The following SLC19A1 variants were observed in gnomAD, a reference collection of about 807,000 sequenced individuals.
SLC19A1 encodes the protein solute carrier family 19 member 1, also known as reduced folate transporter.
Under a neutral mutation model 35.3 loss-of-function variants are expected in SLC19A1, and 37 were observed. The ratio of observed to expected loss-of-function variants is 1.05; its 90% CI spans 0.81 to 1.38. SLC19A1 has a LOEUF of 1.38. SLC19A1 is among the 40% of genes most tolerant of loss of function. The probability of loss-of-function intolerance (pLI) is 0.00; values close to 1 mark genes in which losing one functional copy is unlikely to be tolerated. For synonymous variants in SLC19A1, 460 were observed against 398.5 expected (o/e 1.15, Z -1.84); for missense variants, 831 against 826.9 (o/e 1.00, Z -0.06).
intron 3 of SLC19A1, chr21:45,507,138 C>G (rs1459571321): frequency 5.5e-6 from 1 of 183,330 alleles, no homozygotes; most frequent in East Asian, 1.6e-4. Flanking sequence ...GGGAGGGCAC[C>G]CTCCTGTGGG....
chr21:45,504,933 C>G (rs941889609), intron 3 of SLC19A1, among the ~76,000 whole-genome samples: 1 of 134,704 alleles, frequency 7.4e-6, no homozygotes, highest in Admixed American at 7.1e-5. Flanking sequence ...CTCTGCTGGT[C>G]TCTCCCCCGG....
At chr21:45,511,464 C>T (rs1385263815), downstream of SLC19A1, among the ~76,000 whole-genome samples, 3 of 152,190 alleles carry the variant, frequency 2.0e-5, no homozygotes, top group African/African-American at 7.2e-5. Context: ...GTGCCCCCGG[C>T]CCTCTGCTCA....
chr21:45,528,588 G>T (rs2077733858), intron 4 of SLC19A1, among the ~76,000 whole-genome samples: 1 of 152,168 alleles, frequency 6.6e-6, no homozygotes, highest in African/African-American at 2.4e-5. Flanking sequence ...AATATTGACA[G>T]AAACCTGCTT....
chr21:45,532,649 G>A (rs945744927), intron 2 of SLC19A1, among the ~76,000 whole-genome samples: 1 of 152,124 alleles, frequency 6.6e-6, no homozygotes, highest in Non-Finnish European at 1.5e-5. Flanking sequence ...TGGGCAGGCT[G>A]GTCTCGAACT....
chr21:45,533,115 T>C lies in SLC19A1; in HGVS notation c.190-967A>G, dbSNP rs1248759914. ...ACGCCCCTGTAGCCGCCCTGCACCC[T>C]CCCAGGAGGGGGAGCACAGGCTGTC... On this transcript the variant is annotated intron_variant, in intron 2 of 5. Coordinates refer to ENST00000311124, the MANE Select transcript of SLC19A1 (RefSeq NM_194255.4). The surrounding 1 kb of genome is among the most constrained non-coding windows in gnomAD (Gnocchi z 4.5). 6.6e-6 allele frequency among the ~76,000 whole-genome samples: 1 copy of C among 152,096 alleles called. No homozygotes were observed. Among genetic ancestry groups the C allele is most frequent in the Non-Finnish European group, 1.5e-5 (1 of 67,998 alleles).
At chr21:45,511,059 C>G, downstream of SLC19A1, 2 of 743,880 alleles carry the variant, frequency 2.7e-6, no homozygotes, top group South Asian at 1.5e-5. Context: ...AACACCCACA[C>G]CCATCCACAC....
chr21:45,556,715 T>G (rs2146510821), intron 1 of SLC19A1, among the ~76,000 whole-genome samples: 1 of 152,282 alleles, frequency 6.6e-6, no homozygotes, highest in Non-Finnish European at 1.5e-5. Flanking sequence ...CAGGACGTTG[T>G]CAAGCGCTCT....
chr21:45,505,365 C>T lies in SLC19A1; in HGVS notation c.498-6753G>A, dbSNP rs757099292. On this transcript the variant is annotated intron_variant, in intron 3 of 4. Transcript: ENST00000417954. ...TTGGTTTCTCTCCTGCAGCTATCAG[C>T]GTTCCCGGCCCTCCGGGCCCCCCTG... 30 of 1,592,836 alleles carry T rather than the reference C, an allele frequency of 1.9e-5. No individual in the cohort carries two copies. The highest frequency in any genetic ancestry group is 3.3e-5 in the Admixed American group (2 of 59,924).
chr21:45,507,561 C>G, intron 3 of SLC19A1: 1 of 1,612,896 alleles, frequency 6.2e-7, no homozygotes, highest in Non-Finnish European at 8.5e-7. Context: ...TTTCTTCCAG[C>G]TGGAGGCCCG....
downstream of SLC19A1, chr21:45,509,262 C>T (rs2037428539): frequency 2.0e-6 from 3 of 1,502,450 alleles, no homozygotes; most frequent in Middle Eastern, 2.4e-4. Flanking sequence ...GTTCAGAGCC[C>T]AGCCCCTCTC....
chr21:45,503,692 C>T (rs796328828), intron 3 of SLC19A1, among the ~76,000 whole-genome samples: 184 of 150,432 alleles, frequency 1.2e-3, no homozygotes, highest in East Asian at 7.0e-3. Flanking sequence ...TGCTAGATGA[C>T]GAGTTAGTGG....
At chr21:45,535,716 C>A (rs1451892351) in intron 2 of SLC19A1, among the ~76,000 whole-genome samples, 2 of 152,212 alleles carry the variant, frequency 1.3e-5, no homozygotes, top group Admixed American at 1.3e-4. Context: ...GCAGCCATCA[C>A]CTGCAGTGGG....
Position 45,537,907 on chromosome 21 carries a change from G to C in SLC19A1, c.53C>G (p.Pro18Arg), listed in dbSNP as rs372174767. Residue 18 changes from proline (P) to arginine (R), a missense_variant, in exon 2 of 6, where the codon CCT (proline) becomes CGT (arginine). Physicochemically the swap from Pro to Arg is moderately radical, Grantham distance 103. Coordinates refer to ENST00000311124, the MANE Select transcript of SLC19A1 (RefSeq NM_194255.4). ...CCGCCAGGACCGGAGCTCGGGGTCAGGCCCAGGTTCCACGGGCACCTGCTT... is the reference window on the plus strand; with the variant it reads ...CCGCCAGGACCGGAGCTCGGGGTCACGCCCAGGTTCCACGGGCACCTGCTT... ...VEKQVPVEPG[P>R]DPELRSWRHL... 35 of 1,595,772 alleles carry C rather than the reference G, an allele frequency of 2.2e-5. No individual in the cohort carries two copies. The highest frequency in any genetic ancestry group is 2.7e-5 in the Non-Finnish European group (32 of 1,174,684).
rs138399081 is a variant in SLC19A1 at position 45,515,276 on chromosome 21, A to C, written c.*382T>G. 3.0e-3 allele frequency: 4,392 copies of C among 1,486,384 alleles called. 67 individuals are homozygous for C. The highest frequency in any genetic ancestry group is 0.023 in the South Asian group (1,729 of 75,300). 92.1% of individuals were successfully genotyped at this position (1,486,384 alleles called of 1,614,324 possible). On this transcript the variant is annotated 3_prime_UTR_variant, in exon 6 of 6. Coordinates refer to ENST00000311124, the MANE Select transcript of SLC19A1 (RefSeq NM_194255.4). ...TCCCACCCTGCCCTAGAGGGCTCACAACTCCTGTGGGGCCAGTGTCCCCTG... is the reference window on the plus strand; with the variant it reads ...TCCCACCCTGCCCTAGAGGGCTCACCACTCCTGTGGGGCCAGTGTCCCCTG...
upstream of SLC19A1, among the ~76,000 whole-genome samples, chr21:45,548,749 AT>A (rs1468518928): frequency 2.0e-5 from 3 of 150,538 alleles, no homozygotes; most frequent in African/African-American, 5.0e-5. Flanking sequence ...GTCTAAAAAA[AT>A]AAATAAATAA....
chr21:45,562,872 A>G (rs1335495592), exon 1 of SLC19A1, among the ~76,000 whole-genome samples: 23 of 152,222 alleles, frequency 1.5e-4, no homozygotes, highest in Admixed American at 1.5e-3. Context: ...CTAGGTGTGA[A>G]TGGATCAGAG....
At chr21:45,547,032 A>G (rs1192453908), upstream of SLC19A1, among the ~76,000 whole-genome samples, 1 of 152,252 alleles carries the variant, frequency 6.6e-6, no homozygotes, top group East Asian at 1.9e-4. Context: ...GGCATTTAGC[A>G]AGGTCATGAG....
At chr21:45,553,582 T>G (rs2078489285) in intron 1 of SLC19A1, among the ~76,000 whole-genome samples, 1 of 150,474 alleles carries the variant, frequency 6.6e-6, no homozygotes, top group Non-Finnish European at 1.5e-5. Flanking sequence ...TCTTTCGTCC[T>G]GCAAAACTGA....
chr21:45,505,928 C>T, intron 3 of SLC19A1: 1 of 1,613,224 alleles, frequency 6.2e-7, no homozygotes, highest in Non-Finnish European at 8.5e-7. Context: ...GCAGGAGGAG[C>T]TCTACGTCCG....
Sources: allele counts gnomAD v4.1 joint callset (sites outside exome capture counted in the v4.1 genomes callset), GRCh38; gene constraint gnomAD v4.1.1; non-coding constraint Gnocchi (gnomAD v3.1); transcripts MANE v1.5; gene names NCBI Gene and HGNC (gene_info 2026-07-23, HGNC 2026-07-21).